TCF4: variants seen among roughly 807,000 people sequenced by gnomAD.
TCF4 encodes transcription factor 4, also known as SL3-3 enhancer factor 2.
TCF4 carries 3 observed loss-of-function variants against 82.1 expected under a neutral mutation model. The ratio of observed to expected loss-of-function variants is 0.04; its 90% CI spans 0.02 to 0.09. The LOEUF is 0.09. Ranked by LOEUF, TCF4 falls within the 10% of genes least tolerant of loss-of-function variation. The probability of loss-of-function intolerance (pLI) is 1.00; values close to 1 mark genes in which losing one functional copy is unlikely to be tolerated. For synonymous variants in TCF4, 276 were observed against 309.6 expected, an observed-to-expected ratio of 0.89 and a Z score of 1.14; for missense variants, 518 against 852.7, an observed-to-expected ratio of 0.61 and a Z score of 4.89.
chr18:55,311,842 A>G, intron 8 of TCF4, among the ~76,000 whole-genome samples: 1 of 152,220 alleles, frequency 6.6e-6, no homozygotes, highest in Non-Finnish European at 1.5e-5. Flanking sequence ...AAAATTTCTG[A>G]GGAATAAACA....
intron 2 of TCF4, among the ~76,000 whole-genome samples, chr18:55,627,713 C>T (rs1368358543): frequency 1.3e-5 from 2 of 151,420 alleles, no homozygotes; most frequent in Non-Finnish European, 2.9e-5. Flanking sequence ...TGCAGTGAGC[C>T]GAGATCATGC....
intron 3 of TCF4, among the ~76,000 whole-genome samples, chr18:55,514,230 C>A (rs1373337460): frequency 6.6e-6 from 1 of 152,086 alleles, no homozygotes; most frequent in East Asian, 1.9e-4. Context: ...TTCTTCATAC[C>A]TATTTTAATG....
At chr18:55,467,908 A>C (rs2096066884) in intron 3 of TCF4, among the ~76,000 whole-genome samples, 1 of 152,208 alleles carries the variant, frequency 6.6e-6, no homozygotes, top group Non-Finnish European at 1.5e-5. Flanking sequence ...TTCTGGTTTT[A>C]TATATCTGAA....
intron 8 of TCF4, among the ~76,000 whole-genome samples, chr18:55,300,343 T>C (rs1040169600): frequency 1.3e-5 from 2 of 151,730 alleles, no homozygotes; most frequent in African/African-American, 4.8e-5. Context: ...TTTGTTTTAA[T>C]TGAAGGTCCT....
chr18:55,405,979 G>A (rs996467281), intron 5 of TCF4, among the ~76,000 whole-genome samples: 2 of 152,218 alleles, frequency 1.3e-5, no homozygotes, highest in East Asian at 3.9e-4. Flanking sequence ...CTGTTTGTGT[G>A]GGGGAGGATA....
chr18:55,339,461 G>T (rs980177751), intron 8 of TCF4, among the ~76,000 whole-genome samples: 4 of 152,170 alleles, frequency 2.6e-5, no homozygotes, highest in African/African-American at 7.2e-5. Context: ...ATGAGGGGTG[G>T]CTAAATCGGA....
Position 55,588,084 on chromosome 18 carries a change from C to T in TCF4, c.-67G>A, listed in dbSNP as rs2097670217. 1.0e-6 allele frequency: 1 copy of T among 998,154 alleles called. No individual in the cohort carries two copies. Among genetic ancestry groups the T allele is most frequent in the Non-Finnish European group, 1.2e-6 (1 of 840,494 alleles). The allele number at this position is 998,154 out of a possible 1,614,324, so 61.8% of individuals were successfully genotyped here. A position where few individuals can be genotyped will look rare whatever the true frequency, so the allele number is the denominator to read the frequency against. ...TCTCCGTGCACCGCCGGCGCCGAGG[C>T]GGCGTTCATGTCTAACCGCCGCCGC... On this transcript the variant is annotated 5_prime_UTR_variant, in exon 1 of 20. Coordinates refer to ENST00000354452, the MANE Select transcript of TCF4 (RefSeq NM_001083962.2).
chr18:55,373,718 T>A (rs1474151020), intron 6 of TCF4, among the ~76,000 whole-genome samples: 1 of 151,570 alleles, frequency 6.6e-6, no homozygotes, highest in Non-Finnish European at 1.5e-5. Flanking sequence ...GAGGCTGAGG[T>A]GGGAAGATTG....
chr18:55,615,481 A>G (rs553348436), intron 2 of TCF4, among the ~76,000 whole-genome samples: 5 of 151,936 alleles, frequency 3.3e-5, no homozygotes, highest in African/African-American at 9.7e-5. Flanking sequence ...GAACAAAACA[A>G]TTCTACTCCT....
At chr18:55,569,672 A>G (rs1402598061) in intron 3 of TCF4, among the ~76,000 whole-genome samples, 1 of 152,190 alleles carries the variant, frequency 6.6e-6, no homozygotes, top group East Asian at 1.9e-4. Flanking sequence ...AGAATAAATC[A>G]TCAGAAAATG....
chr18:55,291,156 CAGAG>C (rs1452369735), intron 8 of TCF4, among the ~76,000 whole-genome samples: 56 of 152,254 alleles, frequency 3.7e-4, no homozygotes, highest in Non-Finnish European at 7.4e-5. Context: ...AGTCACAAGA[CAGAG>C]TAAGGGCAGG....
intron 5 of TCF4, among the ~76,000 whole-genome samples, chr18:55,447,216 G>C (rs1472758142): frequency 6.6e-6 from 1 of 151,662 alleles, no homozygotes; most frequent in African/African-American, 2.4e-5. Flanking sequence ...AGGCCAAGGA[G>C]GGAAGATCTT....
intron 2 of TCF4, among the ~76,000 whole-genome samples, chr18:55,629,622 C>G (rs2097729729): frequency 6.6e-6 from 1 of 152,182 alleles, no homozygotes; most frequent in South Asian, 2.1e-4. Flanking sequence ...TGCTATAAAA[C>G]TGGATGATTC....
chr18:55,230,043 G>A (rs539753581), intron 17 of TCF4: 1 of 152,062 alleles, frequency 6.6e-6, no homozygotes, highest in Admixed American at 6.6e-5. Context: ...TACTCAGGAG[G>A]CTGAGGTGGG....
At chr18:55,518,675 T>C (rs1209329212) in intron 3 of TCF4, among the ~76,000 whole-genome samples, 3 of 152,142 alleles carry the variant, frequency 2.0e-5, no homozygotes, top group South Asian at 4.1e-4. Context: ...AATATGAAAA[T>C]TGTGTGAATA....
intron 5 of TCF4, among the ~76,000 whole-genome samples, chr18:55,413,470 T>C (rs1045164546): frequency 3.3e-5 from 5 of 152,130 alleles, no homozygotes; most frequent in South Asian, 2.1e-4. Context: ...CAAGATCAAC[T>C]TCAAGAGAAT....
intron 15 of TCF4, among the ~76,000 whole-genome samples, chr18:55,250,696 ATGT>A (rs1321151287): frequency 6.6e-6 from 1 of 152,188 alleles, no homozygotes; most frequent in African/African-American, 2.4e-5. Context: ...CACTCACAGA[ATGT>A]TAAGTTTCCT....
rs542264208 is a variant in TCF4 at position 55,411,776 on chromosome 18, T to C, written c.305-8258A>G. Among the ~76,000 whole-genome samples, 24 of 152,300 alleles carry C rather than the reference T, an allele frequency of 1.6e-4. 1 individual carries two copies. Among genetic ancestry groups the C allele is most frequent in the Admixed American group, 1.6e-3 (24 of 15,298 alleles). ...CTTTTTAAGACAGAGTCTCACTCTG[T>C]TGCCCAGGCTGGAGTACAGTGGCAT... On this transcript the variant is annotated intron_variant, in intron 5 of 19. Coordinates refer to ENST00000354452, the MANE Select transcript of TCF4 (RefSeq NM_001083962.2).
chr18:55,543,293 A>T (rs1486588520), intron 3 of TCF4, among the ~76,000 whole-genome samples: 2 of 152,192 alleles, frequency 1.3e-5, no homozygotes, highest in East Asian at 3.9e-4. Context: ...AAATGGGGAT[A>T]ACATTATCTA....
Sources: allele counts gnomAD v4.1 joint callset (sites outside exome capture counted in the v4.1 genomes callset), GRCh38; gene constraint gnomAD v4.1.1; transcripts MANE v1.5; gene names NCBI Gene and HGNC (gene_info 2026-07-23, HGNC 2026-07-21).